The following C16orf95 variants were observed in gnomAD, a reference collection of about 807,000 sequenced individuals.
The protein encoded by C16orf95 is uncharacterized protein C16orf95.
C16orf95 carries 41 observed loss-of-function variants against 32.1 expected under a neutral mutation model. The observed-to-expected ratio is 1.28, with a 90% confidence interval of 1.00 to 1.66. C16orf95 has a LOEUF of 1.66. C16orf95 is among the 40% of genes most tolerant of loss of function. The pLI is 0.00. For missense variants in C16orf95, 399 were observed against 325.9 expected (o/e 1.22, Z -1.73); for synonymous variants, 147 against 128.9 (o/e 1.14, Z -0.95).
chr16:87,317,117 T>C lies in C16orf95; in HGVS notation c.126A>G (p.Ala42=). 6.5e-7 allele frequency: 1 copy of C among 1,531,264 alleles called. No homozygotes were observed. Among genetic ancestry groups the C allele is most frequent in the Admixed American group, 2.0e-5 (1 of 50,516 alleles). 94.9% of individuals were successfully genotyped at this position (1,531,264 alleles called of 1,614,324 possible). Residue 42 remains alanine (A), a synonymous_variant, in exon 1 of 7, where the codon GCA becomes GCG. Transcript: ENST00000567970. ...TGCCATCCTGCGCGCTGGGTGTGAG[T>C]GCCAACCTGCAGAGCCCGACGCACC... ...GAGCVGLCRL[A]LTPSAQDGRN... is the part of the protein sequence containing the mutation.
rs2150646807 is a variant in C16orf95 at position 87,305,790 on chromosome 16, A to G, written c.630T>C (p.Pro210=). The change falls in exon 6 of 7, where the codon CCT becomes CCC. Residue 210 remains proline, a synonymous_variant. Coordinates refer to ENST00000567970, the MANE Select transcript of C16orf95 (RefSeq NM_001195124.3). The surrounding 1 kb of genome is among the most constrained non-coding windows in gnomAD (Gnocchi z 4.2). ...QAPYQDQLPA[P]AARLLPLGLL... is the part of the protein sequence containing the mutation. The stretch of plus-strand genomic sequence containing the variant: ...GGCCGAGGGGCAGCAGACGCGCTGC[A>G]GGAGCCGGTAGCTGGTCCTGGTAGG... 6.6e-7 allele frequency: 1 copy of G among 1,517,750 alleles called. No individual in the cohort carries two copies. The highest frequency in any genetic ancestry group is 1.2e-5 in the South Asian group (1 of 82,640). 94.0% of individuals were successfully genotyped at this position (1,517,750 alleles called of 1,614,324 possible).
intron 4 of C16orf95, among the ~76,000 whole-genome samples, chr16:87,310,674 C>G (rs1028202517): frequency 2.0e-5 from 3 of 152,166 alleles, no homozygotes; most frequent in Non-Finnish European, 4.4e-5. Context: ...GCAGAGAGGA[C>G]AGGCCATCTA....
At chr16:87,308,278 C>T (rs759056618) in intron 5 of C16orf95, among the ~76,000 whole-genome samples, 26 of 152,116 alleles carry the variant, frequency 1.7e-4, no homozygotes, top group Non-Finnish European at 2.9e-4. Context: ...GTCAGGAGTT[C>T]CAGACCAGCC....
chr16:87,303,904 C>T (rs1910878637), intron 6 of C16orf95, among the ~76,000 whole-genome samples: 1 of 152,016 alleles, frequency 6.6e-6, no homozygotes, highest in South Asian at 2.1e-4. Flanking sequence ...TTTTTCTTCC[C>T]CTCTCCTTCC....
chr16:87,315,060 G>A lies in C16orf95; in HGVS notation c.241C>T (p.Gln81Ter). 6.5e-7 allele frequency: 1 copy of A among 1,536,126 alleles called. No individual in the cohort carries two copies. The highest frequency in any genetic ancestry group is 1.2e-5 in the South Asian group (1 of 84,064). Residue 81 changes from glutamine to a stop codon, truncating the protein, a stop_gained, in exon 3 of 7, where the codon CAG (glutamine) becomes TAG (stop). Transcript: ENST00000567970. LOFTEE classifies it high-confidence loss of function. The stretch of plus-strand genomic sequence containing the variant: ...GGCAGGCGGCCCCCGAATCTGGTCT[G>A]GCATTCACAGCAGATGGCCCAGGGG... Reference protein sequence around the residue: ...PGPWAICCECQTRFGGRLPVS... With the variant: ...PGPWAICCEC
In C16orf95 at chr16:87,314,187, G is replaced by A. The variant is rs141029415; in HGVS notation, c.330+784C>T. Among the ~76,000 whole-genome samples the A allele has an allele frequency of 8.2e-4, 125 of 152,234 alleles. No individual in the cohort carries two copies. The East Asian group carries it at 9.7e-3, about 12-fold the overall frequency. On this transcript the variant is annotated intron_variant, in intron 3 of 6. Coordinates refer to ENST00000567970, the MANE Select transcript of C16orf95 (RefSeq NM_001195124.3). The stretch of plus-strand genomic sequence containing the variant: ...TGGTATTTACCCAAGAAGAATGACG[G>A]CATATGTGCATACAAAGCCTTGTAC...
chr16:87,305,905 G>A lies in C16orf95; in HGVS notation c.515C>T (p.Ala172Val). 8 of 1,413,956 alleles carry A rather than the reference G, an allele frequency of 5.7e-6. No individual in the cohort carries two copies. The highest frequency in any genetic ancestry group is 7.4e-6 in the Non-Finnish European group (8 of 1,088,272). 87.6% of individuals were successfully genotyped at this position (1,413,956 alleles called of 1,614,324 possible). Residue 172 changes from alanine to valine, a missense_variant and splice_region_variant, in exon 6 of 7, where the codon GCA becomes GTA. By Grantham distance (64) the Ala-to-Val change is moderately conservative. Coordinates refer to ENST00000567970, the MANE Select transcript of C16orf95 (RefSeq NM_001195124.3). The surrounding 1 kb of genome is among the most constrained non-coding windows in gnomAD (Gnocchi z 4.2). ...RRQQSLKGIQ[A>V]PLLDACCWHN... ...CCAGCAGCATGCATCCAGCAGGGGT[G>A]CTAGGCAAAGAAAAGGTGGGTTGAG...
At position 87,317,193 on chromosome 16, in the gene C16orf95, T is replaced by A; in HGVS notation, c.50A>T (p.His17Leu). ...GCCTGAGGCTGCTCCAGTGGCCTCA[T>A]GATGATGGTGACAACGCCGCGGGGA... ...PPSPRRCHHH[H>L]EATGAASGAA... Residue 17 changes from histidine (H) to leucine (L), a missense_variant, in exon 1 of 7, where the codon CAT becomes CTT. Transcript: ENST00000567970. 6.5e-7 allele frequency: 1 copy of A among 1,530,540 alleles called. No individual in the cohort carries two copies. The highest frequency in any genetic ancestry group is 8.7e-7 in the Non-Finnish European group (1 of 1,144,548). The allele number at this position is 1,530,540 out of a possible 1,614,324, so 94.8% of individuals were successfully genotyped here. A position where few individuals can be genotyped will look rare whatever the true frequency, so the allele number is the denominator to read the frequency against.
intron 6 of C16orf95, among the ~76,000 whole-genome samples, chr16:87,304,589 C>T (rs989681267): frequency 2.6e-5 from 4 of 152,262 alleles, no homozygotes; most frequent in African/African-American, 9.6e-5. Context: ...CCAAACAGAG[C>T]TCACCGCGCC....
chr16:87,317,004 C>G (rs939956607), intron 1 of C16orf95, 87 bp downstream of exon 1: 1 of 1,406,766 alleles, frequency 7.1e-7, no homozygotes, highest in Non-Finnish European at 9.2e-7. Context: ...AGAGTTCTGC[C>G]TGTGCATAGG....
chr16:87,317,319 C>T lies in C16orf95; in HGVS notation c.-77G>A. The T allele has an allele frequency of 6.9e-7, 1 of 1,450,176 alleles. No homozygotes were observed. The highest frequency in any genetic ancestry group is 2.7e-5 in the East Asian group (1 of 37,422). 89.8% of individuals were successfully genotyped at this position (1,450,176 alleles called of 1,614,324 possible). A position where few individuals can be genotyped will look rare whatever the true frequency, so the allele number is the denominator to read the frequency against. ...CTGACGCCCTGGCTCCCGCCTTTCC[C>T]TCCTGCCCCAGGAGGAACCCAACCC... On this transcript the variant is annotated 5_prime_UTR_variant, in exon 1 of 7. Coordinates refer to ENST00000567970, the MANE Select transcript of C16orf95 (RefSeq NM_001195124.3).
In C16orf95 at chr16:87,311,220, CG is replaced by C; in HGVS notation, c.406del (p.Arg136AlafsTer10). 6.5e-7 allele frequency: 1 copy of C among 1,535,760 alleles called. No homozygotes were observed. The highest frequency in any genetic ancestry group is 8.7e-7 in the Non-Finnish European group (1 of 1,146,622). ...TGCCTGGTCCCTAGGCATCGGGAGGCGGCCCCCAAAGCGGTGGCATAGGCAG... is the reference window on the plus strand; with the variant it reads ...TGCCTGGTCCCTAGGCATCGGGAGGCGCCCCCAAAGCGGTGGCATAGGCAG... ...CPCLCHRFGGRLPMPRDQAVM... is the reference protein window; with the variant it reads ...CPCLCHRFGGXLPMPRDQAVM... On this transcript the variant is annotated frameshift_variant, in exon 4 of 7. Transcript: ENST00000567970. LOFTEE classifies it high-confidence loss of function.
At chr16:87,310,870 CAGT>C (rs1169280861) in intron 4 of C16orf95, among the ~76,000 whole-genome samples, 1 of 152,140 alleles carries the variant, frequency 6.6e-6, no homozygotes, top group Non-Finnish European at 1.5e-5. Flanking sequence ...GCAGCAGCAG[CAGT>C]GGGTGCCAGA....
intron 3 of C16orf95, among the ~76,000 whole-genome samples, chr16:87,312,846 A>G (rs1911346294): frequency 1.3e-5 from 2 of 152,342 alleles, no homozygotes; most frequent in Middle Eastern, 3.4e-3. Context: ...ATTGTAGAAT[A>G]CAAGAACAAT....
Position 87,305,746 on chromosome 16 carries a change from G to C in C16orf95, c.674C>G (p.Ala225Gly). The C allele has an allele frequency of 6.6e-7, 1 of 1,514,486 alleles. No individual in the cohort carries two copies. The highest frequency in any genetic ancestry group is 8.8e-7 in the Non-Finnish European group (1 of 1,136,660). 93.8% of individuals were successfully genotyped at this position (1,514,486 alleles called of 1,614,324 possible). A position where few individuals can be genotyped will look rare whatever the true frequency, so the allele number is the denominator to read the frequency against. The change falls in exon 6 of 7, where the codon GCC (alanine) becomes GGC (glycine). Residue 225 changes from alanine (A) to glycine (G), a missense_variant. Coordinates refer to ENST00000567970, the MANE Select transcript of C16orf95 (RefSeq NM_001195124.3). This position sits in a 1 kb window ranked among gnomAD's most constrained non-coding sequence, Gnocchi z 4.2. ...LPLGLLTLLQ[A>G]IPRVIMAIRQ... is the part of the protein sequence containing the mutation. ...AATGGCCATGATGACCCTCGGGATG[G>C]CCTGGAGGAGGGTCAGGAGGCCGAG...
Position 87,317,231 on chromosome 16 carries a change from G to A in C16orf95, c.12C>T (p.Ser4=). 3.3e-6 allele frequency: 5 copies of A among 1,527,476 alleles called. No homozygotes were observed. The highest frequency in any genetic ancestry group is 1.2e-5 in the South Asian group (1 of 82,862). The allele number at this position is 1,527,476 out of a possible 1,614,324, so 94.6% of individuals were successfully genotyped here. A position where few individuals can be genotyped will look rare whatever the true frequency, so the allele number is the denominator to read the frequency against. MRA[S]RSPPSPRRCH... ...AACGCCGCGGGGACGGTGGGGACCGGCTCGCACGCATATGGCTTCTTATGG... is the reference window on the plus strand; with the variant it reads ...AACGCCGCGGGGACGGTGGGGACCGACTCGCACGCATATGGCTTCTTATGG... Residue 4 remains serine (S), a synonymous_variant, in exon 1 of 7, where the codon AGC becomes AGT. Transcript: ENST00000567970.
At position 87,305,938 on chromosome 16, in the gene C16orf95, C is replaced by A. The variant is rs1335521429; in HGVS notation, c.515-33G>T. The A allele has an allele frequency of 7.2e-7, 1 of 1,386,592 alleles. No homozygotes were observed. Among genetic ancestry groups the A allele is most frequent in the Admixed American group, 3.4e-5 (1 of 29,750 alleles). 85.9% of individuals were successfully genotyped at this position (1,386,592 alleles called of 1,614,324 possible). ...AAGAAAAGGTGGGTTGAGGACAGGG[C>A]GTGTTCTCCGGGACTCTGTGAGCCA... On this transcript the variant is annotated intron_variant, in intron 5 of 6. Coordinates refer to ENST00000567970, the MANE Select transcript of C16orf95 (RefSeq NM_001195124.3). This position sits in a 1 kb window ranked among gnomAD's most constrained non-coding sequence, Gnocchi z 4.2.
At chr16:87,308,421 T>A (rs931882034) in intron 5 of C16orf95, among the ~76,000 whole-genome samples, 1 of 151,990 alleles carries the variant, frequency 6.6e-6, no homozygotes, top group Non-Finnish European at 1.5e-5. Context: ...GCGGAAGTTG[T>A]GGTGAGCCGA....
At position 87,317,306 on chromosome 16, in the gene C16orf95, C is replaced by CTCCCGCCTT; in HGVS notation, c.-73_-65dup. ...TCGTCCGCAGGCCCTGACGCCCTGG[C>CTCCCGCCTT]TCCCGCCTTTCCCTCCTGCCCCAGG... On this transcript the variant is annotated 5_prime_UTR_variant, in exon 1 of 7. Coordinates refer to ENST00000567970, the MANE Select transcript of C16orf95 (RefSeq NM_001195124.3). 6.9e-7 allele frequency: 1 copy of CTCCCGCCTT among 1,453,056 alleles called. No individual in the cohort carries two copies. Among genetic ancestry groups the CTCCCGCCTT allele is most frequent in the Non-Finnish European group, 9.1e-7 (1 of 1,101,162 alleles). 90.0% of individuals were successfully genotyped at this position (1,453,056 alleles called of 1,614,324 possible).
Sources: gnomAD v4.1 joint callset for allele counts (sites outside exome capture counted in the v4.1 genomes callset) on GRCh38, gnomAD v4.1.1 for gene constraint, Gnocchi (gnomAD v3.1) non-coding constraint, MANE v1.5 for transcripts, NCBI Gene and HGNC (gene_info 2026-07-23, HGNC 2026-07-21) for gene names.